TBC1D9B: variants seen among roughly 807,000 people sequenced by gnomAD.
The protein encoded by TBC1D9B is TBC1 domain family, member 9B (with GRAM domain).
A neutral mutation model predicts 121.1 loss-of-function variants in TBC1D9B; 87 were observed. The observed-to-expected ratio is 0.72, with a 90% confidence interval of 0.60 to 0.86. TBC1D9B has a LOEUF of 0.86. TBC1D9B is among the 40% of genes least tolerant of loss of function. TBC1D9B has a pLI of 0.00. For synonymous variants in TBC1D9B, 668 were observed against 670.1 expected (o/e 1.00, Z 0.05); for missense variants, 1,540 against 1,628.6 (o/e 0.95, Z 0.94).
Position 179,894,520 on chromosome 5 carries a change from A to G in TBC1D9B, c.443T>C (p.Phe148Ser). 1.2e-6 allele frequency: 2 copies of G among 1,614,218 alleles called. No homozygotes were observed. The highest frequency in any genetic ancestry group is 8.5e-7 in the Non-Finnish European group (1 of 1,180,028). The stretch of plus-strand genomic sequence containing the variant: ...CAGCTTCTCGCCCTCAGGCATCCCA[A>G]ACTGCTTCCGCATCTTCAGCTCAGC... ...KEAELKMRKQ[F>S]GMPEGEKLVN... The change falls in exon 4 of 21, where the codon TTT (phenylalanine) becomes TCT (serine). Residue 148 changes from phenylalanine to serine, a missense_variant. Physicochemically the swap from Phe to Ser is radical, Grantham distance 155. Transcript: ENST00000355235.
chr5:179,882,449 G>C (rs1205149437), intron 7 of TBC1D9B, among the ~76,000 whole-genome samples: 1 of 152,196 alleles, frequency 6.6e-6, no homozygotes, highest in Non-Finnish European at 1.5e-5. Flanking sequence ...AGACTCCACA[G>C]AAGCTGAGAG....
At position 179,865,134 on chromosome 5, in the gene TBC1D9B, A is replaced by G. The variant is rs975616164; in HGVS notation, c.3021+120T>C. On this transcript the variant is annotated intron_variant, in intron 20 of 20. Coordinates refer to ENST00000355235, the MANE Select transcript of TBC1D9B (RefSeq NM_015043.4). This position sits in a 1 kb window ranked among gnomAD's most constrained non-coding sequence, Gnocchi z 5.1. The stretch of plus-strand genomic sequence containing the variant: ...GGCAACCAGGACTAACGGGCTCTAG[A>G]GGCAGGGAGGAGCCTTCCCACCCAC... The G allele has an allele frequency of 6.6e-6, 6 of 909,426 alleles. No individual in the cohort carries two copies. The African/African-American group carries it at 8.2e-5, about 12-fold the overall frequency. The allele number at this position is 909,426 out of a possible 1,614,324, so 56.3% of individuals were successfully genotyped here.
At chr5:179,878,837 C>T (rs1209156833) in intron 9 of TBC1D9B, among the ~76,000 whole-genome samples, 1 of 152,144 alleles carries the variant, frequency 6.6e-6, no homozygotes, top group Non-Finnish European at 1.5e-5. Context: ...GCAGAGTGCC[C>T]ATTCCCCAGC....
intron 4 of TBC1D9B, among the ~76,000 whole-genome samples, chr5:179,894,107 C>T (rs74963368): frequency 0.01 from 1,562 of 152,296 alleles, 26 homozygotes; most frequent in African/African-American, 0.036. Flanking sequence ...TTGGGACAGA[C>T]GTGTGCCTGA....
intron 3 of TBC1D9B, among the ~76,000 whole-genome samples, chr5:179,896,478 C>G (rs181723002): frequency 6.6e-6 from 1 of 152,238 alleles, no homozygotes; most frequent in East Asian, 1.9e-4. Context: ...GTTGCAGAAG[C>G]AACTGGAAAT....
intron 3 of TBC1D9B, among the ~76,000 whole-genome samples, chr5:179,896,368 C>A (rs775767072): frequency 6.6e-6 from 1 of 152,226 alleles, no homozygotes; most frequent in Non-Finnish European, 1.5e-5. Context: ...ACCGCAGCTG[C>A]GATCTAAACA....
intron 8 of TBC1D9B, 27 bp from the exon 9 acceptor site, chr5:179,879,224 T>TG: frequency 6.3e-7 from 1 of 1,589,924 alleles, no homozygotes; most frequent in East Asian, 2.2e-5. Context: ...TCAGGGAGCC[T>TG]GGGGGCCGAA....
rs6886727 is a variant in TBC1D9B, at chr5:179,904,224, T to C, written c.229+478A>G. On this transcript the variant is annotated intron_variant, in intron 2 of 20. Transcript: ENST00000355235. This position sits in a 1 kb window ranked among gnomAD's most constrained non-coding sequence, Gnocchi z 4.2. ...CCCCATGACCAGTGGAGCTGCCTTT[T>C]TTTTTTTTTTTTTTTTTTGAGACGG... 4.9e-3 allele frequency among the ~76,000 whole-genome samples: 168 copies of C among 34,384 alleles called. 1 individual carries two copies. The highest frequency in any genetic ancestry group is 0.016 in the African/African-American group (24 of 1,518). The allele number at this position is 34,384 out of a possible 152,430, so 22.6% of individuals were successfully genotyped here.
In TBC1D9B at chr5:179,870,322, G is replaced by T. The variant is rs376893114; in HGVS notation, c.2658C>A (p.Arg886=). 85 of 1,613,778 alleles carry T rather than the reference G, an allele frequency of 5.3e-5. No homozygotes were observed. In the South Asian group the frequency reaches 6.0e-4, roughly 11 times the overall value. ...TGTTTTCGTCCAGGAGCCTGAACAT[G>T]CGCCCTGCCAGCAGAGGTGTGTGGG... ...CGSHTPLLAG[R]MFRLLDENKD... is the part of the protein sequence containing the mutation. Residue 886 remains arginine (R), a synonymous_variant, in exon 16 of 21, where the codon CGC becomes CGA. Transcript: ENST00000355235.
In TBC1D9B at chr5:179,886,583, C is replaced by A. The variant is rs1760692307; in HGVS notation, c.1254+1520G>T. Among the ~76,000 whole-genome samples, 7 of 152,218 alleles carry A rather than the reference C, an allele frequency of 4.6e-5. No homozygotes were observed. The South Asian group carries it at 1.4e-3, about 32-fold the overall frequency. On this transcript the variant is annotated intron_variant, in intron 7 of 20. Coordinates refer to ENST00000355235, the MANE Select transcript of TBC1D9B (RefSeq NM_015043.4). Reference sequence around the variant, plus strand: ...CCGCCCACCCCTTCCCATGCGCTCACTGACGTAGTAATTTATTTAGCATCT... The same window carrying A: ...CCGCCCACCCCTTCCCATGCGCTCAATGACGTAGTAATTTATTTAGCATCT...
chr5:179,888,802 G>A (rs4700845), intron 6 of TBC1D9B, among the ~76,000 whole-genome samples: 53 of 152,280 alleles, frequency 3.5e-4, no homozygotes, highest in African/African-American at 8.7e-4. Context: ...GACGAGGGAT[G>A]CACCAGCTGA....
intron 3 of TBC1D9B, among the ~76,000 whole-genome samples, chr5:179,895,944 C>T (rs1761005921): frequency 6.6e-6 from 1 of 152,208 alleles, no homozygotes; most frequent in South Asian, 2.1e-4. Context: ...TCTTTCTGCC[C>T]TCCCTCCCCC....
In TBC1D9B at chr5:179,863,787, T is replaced by G; in HGVS notation, c.3363A>C (p.Ser1121=). 1 of 1,613,482 alleles carries G rather than the reference T, an allele frequency of 6.2e-7. No homozygotes were observed. The change falls in exon 21 of 21, where the codon TCA becomes TCC. Residue 1121 remains serine (S), a synonymous_variant. Coordinates refer to ENST00000355235, the MANE Select transcript of TBC1D9B (RefSeq NM_015043.4). This position sits in a 1 kb window ranked among gnomAD's most constrained non-coding sequence, Gnocchi z 4.5. ...CATCGTCAGACAGCAGCTGGGAGGG[T>G]GAGCCCTGTCCCTCGCCGCTGCCCC... ...VEGGSGEGQG[S]PSQLLSDDET...
chr5:179,879,126 G>C lies in TBC1D9B; in HGVS notation c.1488C>G (p.Tyr496Ter). The change falls in exon 9 of 21, where the codon TAC (tyrosine) becomes TAG (stop). Residue 496 changes from tyrosine to a stop codon, truncating the protein, a stop_gained. Transcript: ENST00000355235. LOFTEE classifies it high-confidence loss of function. ...FFEYGRGVCM[Y>*]RTAKTRALVL... ...CCAGTGCCCGCGTCTTGGCTGTGCG[G>C]TACATGCACACGCCACGCCCGTACT... is the stretch of plus-strand genomic sequence containing the variant. The C allele has an allele frequency of 1.2e-6, 2 of 1,607,864 alleles. No homozygotes were observed. The highest frequency in any genetic ancestry group is 1.7e-6 in the Non-Finnish European group (2 of 1,179,852).
At chr5:179,899,436 C>T in intron 2 of TBC1D9B, 129 bp from the exon 3 acceptor site, 1 of 746,652 alleles carries the variant, frequency 1.3e-6, no homozygotes, top group Non-Finnish European at 2.3e-6. Context: ...CTTCAAGCTG[C>T]TTTTCCCTCT....
chr5:179,880,026 G>A (rs566054300), intron 7 of TBC1D9B: 16 of 584,846 alleles, frequency 2.7e-5, no homozygotes, highest in East Asian at 2.9e-5. Context: ...TCTCACCAGC[G>A]AGTCAGTCTC....
chr5:179,870,310 G>A lies in TBC1D9B; in HGVS notation c.2670C>T (p.Leu890=), dbSNP rs149511665. The A allele has an allele frequency of 1.9e-6, 3 of 1,613,902 alleles. No individual in the cohort carries two copies. The highest frequency in any genetic ancestry group is 1.7e-6 in the Non-Finnish European group (2 of 1,180,022). ...TCAGCGAGTCCTTGTTTTCGTCCAG[G>A]AGCCTGAACATGCGCCCTGCCAGCA... ...TPLLAGRMFR[L]LDENKDSLIN... is the part of the protein sequence containing the mutation. Residue 890 remains leucine (L), a synonymous_variant, in exon 16 of 21, where the codon CTC becomes CTT. Coordinates refer to ENST00000355235, the MANE Select transcript of TBC1D9B (RefSeq NM_015043.4).
In TBC1D9B at chr5:179,875,691, CTAG is replaced by C. The variant is rs1760337949; in HGVS notation, c.1900+226_1900+228del. ...AGGTTACATGGGGGATATATACTCT[CTAG>C]TTTTGATGTTTGAAATTTTCCATAA... On this transcript the variant is annotated intron_variant, in intron 11 of 20. Coordinates refer to ENST00000355235, the MANE Select transcript of TBC1D9B (RefSeq NM_015043.4). The surrounding 1 kb of genome is among the most constrained non-coding windows in gnomAD (Gnocchi z 4.5). 6.6e-6 allele frequency among the ~76,000 whole-genome samples: 1 copy of C among 152,198 alleles called. No individual in the cohort carries two copies. The highest frequency in any genetic ancestry group is 1.5e-5 in the Non-Finnish European group (1 of 68,036).
At chr5:179,887,970 G>T in intron 7 of TBC1D9B, 133 bp downstream of exon 7, 2 of 1,133,772 alleles carry the variant, frequency 1.8e-6, no homozygotes, top group Non-Finnish European at 2.6e-6. Flanking sequence ...TCTCTTGCCA[G>T]CTCTGACACA....
Sources: gnomAD v4.1 joint callset for allele counts (sites outside exome capture counted in the v4.1 genomes callset) on GRCh38, gnomAD v4.1.1 for gene constraint, Gnocchi (gnomAD v3.1) non-coding constraint, MANE v1.5 for transcripts, NCBI Gene and HGNC (gene_info 2026-07-23, HGNC 2026-07-21) for gene names.